Variants in COL28A1 observed in about 807,000 individuals in gnomAD.
The protein encoded by COL28A1 is collagen type XXVIII alpha 1 chain, also known as collagen alpha-1(XXVIII) chain.
Under a neutral mutation model 150.2 loss-of-function variants are expected in COL28A1, and 161 were observed. The observed-to-expected ratio is 1.07, with a 90% CI of 0.94 to 1.22. The LOEUF is 1.22. COL28A1 is among the 50% of genes most tolerant of loss of function. COL28A1 has a pLI of 0.00. For missense variants in COL28A1, 1,617 were observed against 1,388.3 expected, an observed-to-expected ratio of 1.16 and a Z score of -2.62; for synonymous variants, 552 against 469.7, an observed-to-expected ratio of 1.18 and a Z score of -2.26.
At chr7:7,389,421 C>T (rs149670256) in intron 27 of COL28A1, among the ~76,000 whole-genome samples, 2,052 of 152,234 alleles carry the variant, frequency 0.013, 60 homozygotes, top group African/African-American at 0.047. Flanking sequence ...AGTTTGAAGT[C>T]AGGTAGCGTA....
intron 11 of COL28A1, among the ~76,000 whole-genome samples, chr7:7,493,812 T>C (rs1324903123): frequency 1.3e-5 from 2 of 151,820 alleles, no homozygotes; most frequent in Non-Finnish European, 2.9e-5. Flanking sequence ...GCAGGCATGA[T>C]TCCTTTCCTG....
chr7:7,365,086 G>C (rs1017467051), intron 33 of COL28A1, among the ~76,000 whole-genome samples: 1 of 152,126 alleles, frequency 6.6e-6, no homozygotes, highest in Admixed American at 6.6e-5. Flanking sequence ...ACGACTGGCA[G>C]AATACACACC....
rs1232423990 is a variant in COL28A1, at chr7:7,358,517, T to C, written c.*116A>G. The C allele has an allele frequency of 7.6e-6, 7 of 916,640 alleles. No individual in the cohort carries two copies. Among genetic ancestry groups the C allele is most frequent in the Non-Finnish European group, 1.2e-5 (7 of 592,314 alleles). The allele number at this position is 916,640 out of a possible 1,614,324, so 56.8% of individuals were successfully genotyped here. On this transcript the variant is annotated 3_prime_UTR_variant, in exon 35 of 35. Coordinates refer to ENST00000399429, the MANE Select transcript of COL28A1 (RefSeq NM_001037763.3). Reference sequence around the variant, plus strand: ...GGGCTGTAGTGAGAATTCAATTACATGTATAAGTTGTAAATACTCAGTATA... The same window carrying C: ...GGGCTGTAGTGAGAATTCAATTACACGTATAAGTTGTAAATACTCAGTATA...
intron 9 of COL28A1, among the ~76,000 whole-genome samples, chr7:7,509,577 C>A: frequency 6.6e-6 from 1 of 152,004 alleles, no homozygotes; most frequent in Non-Finnish European, 1.5e-5. Context: ...ATTTTTATAT[C>A]TCTGACATTG....
At chr7:7,530,770 G>A (rs746808347) in intron 3 of COL28A1, among the ~76,000 whole-genome samples, 6 of 152,170 alleles carry the variant, frequency 3.9e-5, no homozygotes, top group Non-Finnish European at 5.9e-5. Context: ...GCAGGTTGCA[G>A]ATGATTTTAA....
Position 7,357,937 on chromosome 7 carries a change from A to G in COL28A1, c.*696T>C, listed in dbSNP as rs1283868499. Reference sequence around the variant, plus strand: ...ATAAAATGGAAGGGCCCACTGACATATTTTAATGGAAGGGTATAAAAACCT... The same window carrying G: ...ATAAAATGGAAGGGCCCACTGACATGTTTTAATGGAAGGGTATAAAAACCT... On this transcript the variant is annotated 3_prime_UTR_variant, in exon 35 of 35. Coordinates refer to ENST00000399429, the MANE Select transcript of COL28A1 (RefSeq NM_001037763.3). 6.6e-6 allele frequency: 1 copy of G among 152,288 alleles called. No individual in the cohort carries two copies. Among genetic ancestry groups the G allele is most frequent in the East Asian group, 1.9e-4 (1 of 5,180 alleles). The allele number at this position is 152,288 out of a possible 1,614,324, so 9.4% of individuals were successfully genotyped here.
chr7:7,371,853 G>T (rs1417295459), intron 32 of COL28A1, among the ~76,000 whole-genome samples: 1 of 151,956 alleles, frequency 6.6e-6, no homozygotes, highest in Non-Finnish European at 1.5e-5. Context: ...TATTTTTTGA[G>T]ACAGAGTCTC....
intron 15 of COL28A1, among the ~76,000 whole-genome samples, chr7:7,471,423 A>G (rs961426687): frequency 2.6e-5 from 4 of 152,206 alleles, no homozygotes; most frequent in South Asian, 2.1e-4. Flanking sequence ...CCAAAAGAGA[A>G]AACTACAGAC....
At chr7:7,498,934 T>C (rs1001398973) in intron 11 of COL28A1, among the ~76,000 whole-genome samples, 1 of 152,124 alleles carries the variant, frequency 6.6e-6, no homozygotes, top group African/African-American at 2.4e-5. Flanking sequence ...ACACAGAGTA[T>C]ATATACCCCA....
chr7:7,358,829 G>C (rs1562454963), intron 34 of COL28A1, 24 bp from the exon 35 acceptor site: 3 of 1,580,920 alleles, frequency 1.9e-6, no homozygotes, highest in Non-Finnish European at 2.6e-6. Flanking sequence ...AGGAAAATGT[G>C]TCACGGATTT....
Position 7,460,130 on chromosome 7 carries a change from T to C in COL28A1, c.1303-4018A>G, listed in dbSNP as rs187838300. ...GCTTCCCAAAATCACCTAACACAAGTGCAAATCCTATGAAATATCTTTCAT... is the reference window on the plus strand; with the variant it reads ...GCTTCCCAAAATCACCTAACACAAGCGCAAATCCTATGAAATATCTTTCAT... On this transcript the variant is annotated intron_variant, in intron 15 of 34. Coordinates refer to ENST00000399429, the MANE Select transcript of COL28A1 (RefSeq NM_001037763.3). Among the ~76,000 whole-genome samples the C allele has an allele frequency of 4.6e-3, 708 of 152,304 alleles. 5 individuals carry two copies. The highest frequency in any genetic ancestry group is 0.022 in the East Asian group (115 of 5,188).
intron 11 of COL28A1, among the ~76,000 whole-genome samples, chr7:7,492,927 G>T (rs1410268903): frequency 6.7e-6 from 1 of 149,248 alleles, no homozygotes; most frequent in East Asian, 1.9e-4. Context: ...CATTTTACAT[G>T]TTTTTAGCCA....
At chr7:7,429,491 G>C (rs1444517654) in intron 25 of COL28A1, among the ~76,000 whole-genome samples, 1 of 150,944 alleles carries the variant, frequency 6.6e-6, no homozygotes, top group East Asian at 1.9e-4. Flanking sequence ...GGGATGGTGT[G>C]TGTGTATGCG....
At chr7:7,396,442 T>C (rs1387337561) in intron 27 of COL28A1, among the ~76,000 whole-genome samples, 1 of 152,192 alleles carries the variant, frequency 6.6e-6, no homozygotes, top group Non-Finnish European at 1.5e-5. Context: ...TATCTTGGTG[T>C]AGAGCAGAAG....
At chr7:7,348,949 T>A in the COL28A1 span, among the ~76,000 whole-genome samples, 9 of 152,064 alleles carry the variant, frequency 5.9e-5, no homozygotes, top group African/African-American at 2.2e-4. Context: ...TCCCACTATG[T>A]TGCCCAGGCT....
intron 25 of COL28A1, among the ~76,000 whole-genome samples, chr7:7,429,940 T>G (rs1432718194): frequency 6.6e-6 from 1 of 152,144 alleles, no homozygotes; most frequent in African/African-American, 2.4e-5. Context: ...ATTAGCCATT[T>G]CAAAAAAAAC....
intron 34 of COL28A1, 80 bp from the exon 35 acceptor site, chr7:7,358,885 T>C: frequency 8.5e-7 from 1 of 1,172,488 alleles, no homozygotes; most frequent in Non-Finnish European, 1.2e-6. Context: ...TAAAGTTATA[T>C]AAATAAACTT....
the COL28A1 span, among the ~76,000 whole-genome samples, chr7:7,541,679 T>G: frequency 6.6e-6 from 1 of 152,192 alleles, no homozygotes; most frequent in Non-Finnish European, 1.5e-5. Flanking sequence ...TCTGTGATGC[T>G]GAACGGGTGG....
intron 20 of COL28A1, among the ~76,000 whole-genome samples, chr7:7,441,102 T>C (rs1785745559): frequency 2.0e-5 from 3 of 152,258 alleles, no homozygotes; most frequent in Admixed American, 1.3e-4. Context: ...CTAAGTTTTG[T>C]ATCTTTCTTT....
Sources: allele counts gnomAD v4.1 joint callset (sites outside exome capture counted in the v4.1 genomes callset), GRCh38; gene constraint gnomAD v4.1.1; transcripts MANE v1.5; gene names NCBI Gene and HGNC (gene_info 2026-07-23, HGNC 2026-07-21).